Variants in MAP2 observed in about 807,000 individuals in gnomAD.
MAP2 encodes microtubule-associated protein 2.
In MAP2, 14 loss-of-function variants were observed where a neutral mutation model predicts 137.6. That is an observed-to-expected ratio of 0.10 (90% CI 0.07 to 0.16). The LOEUF (loss-of-function observed/expected upper bound fraction) is 0.16, where lower values mean the gene tolerates loss of function less well. MAP2 is among the 10% of genes least tolerant of loss of function. MAP2 has a pLI of 1.00. For synonymous variants in MAP2, 786 were observed against 782.3 expected, an observed-to-expected ratio of 1.00 and a Z score of -0.08; for missense variants, 2,088 against 2,191.5, an observed-to-expected ratio of 0.95 and a Z score of 0.94.
chr2:209,717,102 C>A (rs985979778), intron 13 of MAP2, among the ~76,000 whole-genome samples: 5 of 152,128 alleles, frequency 3.3e-5, no homozygotes, highest in Non-Finnish European at 2.9e-5. Context: ...TAGGCATTAT[C>A]TGTATTAGTC....
At chr2:209,632,488 T>G (rs1366292647) in intron 4 of MAP2, among the ~76,000 whole-genome samples, 2 of 152,150 alleles carry the variant, frequency 1.3e-5, no homozygotes, top group Non-Finnish European at 2.9e-5. Flanking sequence ...AGTGTCATAC[T>G]TCGTGCTTAA....
At chr2:209,504,279 C>T (rs998312895) in intron 1 of MAP2, among the ~76,000 whole-genome samples, 1 of 148,268 alleles carries the variant, frequency 6.7e-6, no homozygotes, top group Non-Finnish European at 1.5e-5. Flanking sequence ...AAAAAAAAAT[C>T]CCACAGTATC....
chr2:209,434,256 G>A (rs566136390), intron 1 of MAP2, among the ~76,000 whole-genome samples: 4 of 151,864 alleles, frequency 2.6e-5, no homozygotes, highest in South Asian at 2.1e-4. Context: ...TTGTACTTTC[G>A]GCATGGTTCA....
chr2:209,571,587 G>A (rs1303623699), intron 2 of MAP2, among the ~76,000 whole-genome samples: 1 of 151,958 alleles, frequency 6.6e-6, no homozygotes, highest in Non-Finnish European at 1.5e-5. Context: ...CCTCTTGAGA[G>A]CTTTTAATTC....
At chr2:209,532,185 C>T (rs1450277835) in intron 2 of MAP2, among the ~76,000 whole-genome samples, 4 of 145,686 alleles carry the variant, frequency 2.7e-5, no homozygotes, top group Non-Finnish European at 4.5e-5. Flanking sequence ...CTGCAGTGAG[C>T]TGTGATAGCA....
intron 1 of MAP2, among the ~76,000 whole-genome samples, chr2:209,440,066 GA>G (rs928851077): frequency 2.0e-5 from 3 of 151,366 alleles, no homozygotes; most frequent in African/African-American, 7.3e-5. Flanking sequence ...ATTTATCCTT[GA>G]AACATTCACT....
intron 5 of MAP2, among the ~76,000 whole-genome samples, chr2:209,664,962 C>CAAAAAAAAAAAAAAAAAAA (rs67286716): frequency 4.2e-4 from 22 of 51,774 alleles, no homozygotes; most frequent in Admixed American, 8.4e-4. Context: ...AACTCCGTCT[C>CAAAAAAAAAAAAAAAAAAA]AAAAAAAAAA....
At chr2:209,708,480 T>G (rs1301268065) in intron 12 of MAP2, among the ~76,000 whole-genome samples, 1 of 152,122 alleles carries the variant, frequency 6.6e-6, no homozygotes, top group Non-Finnish European at 1.5e-5. Context: ...ATAGAACCTA[T>G]GGTGATGGGT....
At chr2:209,549,626 T>G (rs2068768248) in intron 2 of MAP2, among the ~76,000 whole-genome samples, 1 of 152,230 alleles carries the variant, frequency 6.6e-6, no homozygotes, top group Admixed American at 6.5e-5. Flanking sequence ...GATTTAAATG[T>G]CAGAAAACTT....
intron 1 of MAP2, among the ~76,000 whole-genome samples, chr2:209,436,512 A>G (rs1696331035): frequency 1.3e-5 from 2 of 151,774 alleles, no homozygotes; most frequent in East Asian, 3.9e-4. Context: ...TATTTTGTCA[A>G]CCCCTGGCAT....
At chr2:209,589,091 C>A (rs543538993) in intron 3 of MAP2, among the ~76,000 whole-genome samples, 2 of 152,018 alleles carry the variant, frequency 1.3e-5, no homozygotes, top group African/African-American at 4.8e-5. Flanking sequence ...CAAACACAAC[C>A]AGGGTATAGA....
chr2:209,500,550 G>A (rs778752433), intron 1 of MAP2, among the ~76,000 whole-genome samples: 2 of 151,944 alleles, frequency 1.3e-5, no homozygotes, highest in Non-Finnish European at 2.9e-5. Flanking sequence ...CCCCTTCACT[G>A]ATCTCCCAAA....
chr2:209,565,542 A>G (rs2073209102), intron 2 of MAP2, among the ~76,000 whole-genome samples: 1 of 152,154 alleles, frequency 6.6e-6, no homozygotes, highest in Non-Finnish European at 1.5e-5. Flanking sequence ...TACATTACAG[A>G]TTGAATTATA....
intron 2 of MAP2, among the ~76,000 whole-genome samples, chr2:209,510,040 A>G (rs2061543005): frequency 6.6e-6 from 1 of 151,894 alleles, no homozygotes; most frequent in South Asian, 2.1e-4. Flanking sequence ...CAAAAAAAAA[A>G]AAAGTCAGAA....
intron 13 of MAP2, among the ~76,000 whole-genome samples, chr2:209,715,501 A>G (rs1439748167): frequency 6.6e-6 from 1 of 152,156 alleles, no homozygotes; most frequent in African/African-American, 2.4e-5. Flanking sequence ...TCTAGGAGGA[A>G]AGGTGAGCAA....
chr2:209,641,077 A>G (rs1328689388), intron 4 of MAP2, among the ~76,000 whole-genome samples: 1 of 151,854 alleles, frequency 6.6e-6, no homozygotes, highest in Admixed American at 6.6e-5. Context: ...TTATTTTTAG[A>G]TTGTTGTTAA....
At chr2:209,670,505 A>T (rs749566657) in intron 5 of MAP2, among the ~76,000 whole-genome samples, 179 of 151,952 alleles carry the variant, frequency 1.2e-3, no homozygotes, top group Non-Finnish European at 1.0e-3. Context: ...TAGTGTTTTT[A>T]ACCTGTGGTG....
chr2:209,579,243 T>G (rs1006861666), intron 2 of MAP2: 3 of 148,130 alleles, frequency 2.0e-5, no homozygotes, highest in African/African-American at 5.0e-5. Flanking sequence ...GAAAACTGTT[T>G]CTCTATTTAA....
At chr2:209,697,746 C>T (rs2060596941) in intron 10 of MAP2, among the ~76,000 whole-genome samples, 1 of 152,170 alleles carries the variant, frequency 6.6e-6, no homozygotes, top group Non-Finnish European at 1.5e-5. Context: ...AACTGCTCGA[C>T]TTTTCTATAT....
Sources: allele counts gnomAD v4.1 joint callset (sites outside exome capture counted in the v4.1 genomes callset), GRCh38; gene constraint gnomAD v4.1.1; transcripts MANE v1.5; gene names NCBI Gene and HGNC (gene_info 2026-07-23, HGNC 2026-07-21).